FUS: variants seen among roughly 807,000 people sequenced by gnomAD.
The protein encoded by FUS is FUS RNA binding protein.
FUS carries 5 observed loss-of-function variants against 82.7 expected under a neutral mutation model. The ratio of observed to expected loss-of-function variants is 0.06; its 90% CI spans 0.03 to 0.13. The LOEUF (loss-of-function observed/expected upper bound fraction) is 0.13. FUS is among the 10% of genes least tolerant of loss of function. FUS has a pLI of 1.00. For missense variants in FUS, 512 were observed against 707.8 expected, an observed-to-expected ratio of 0.72 and a Z score of 3.14; for synonymous variants, 281 against 247.4, an observed-to-expected ratio of 1.14 and a Z score of -1.27.
In FUS at chr16:31,180,158, G is replaced by C. The variant is rs1175220148; in HGVS notation, c.-57G>C. ...GGGGCTGCTCAGTCCTCCAGGCGTC[G>C]GTACTCAGCGGTGTTGGAACTTCGT... On this transcript the variant is annotated 5_prime_UTR_variant, in exon 1 of 15. Transcript: ENST00000254108. The C allele has an allele frequency of 4.4e-6, 7 of 1,596,436 alleles. No homozygotes were observed. Among genetic ancestry groups the C allele is most frequent in the African/African-American group, 1.3e-5 (1 of 74,676 alleles).
At chr16:31,185,760 A>G (rs1349564338) in intron 6 of FUS, 16 of 327,500 alleles carry the variant, frequency 4.9e-5, no homozygotes, top group South Asian at 3.4e-4. Flanking sequence ...GGGCAAAAAT[A>G]TGCTTTGACA....
chr16:31,185,939 A>AC (rs2079262775), intron 6 of FUS: 1 of 242,602 alleles, frequency 4.1e-6, no homozygotes, highest in African/African-American at 2.2e-5. Flanking sequence ...GATTTGAAGG[A>AC]CCCTACTCTG....
rs766938057 is a variant in FUS, at chr16:31,180,234, A to G, written c.13+7A>G. On this transcript the variant is annotated splice_region_variant and intron_variant, in intron 1 of 14. Transcript: ENST00000254108. ...GCGGACATGGCCTCAAACGGTAGGT[A>G]AGGGCGCGAGGCGACGGCGGCGGCG... 2.5e-6 allele frequency: 4 copies of G among 1,610,262 alleles called. No individual in the cohort carries two copies. Among genetic ancestry groups the G allele is most frequent in the Admixed American group, 3.4e-5 (2 of 59,490 alleles).
chr16:31,184,152 A>C, intron 4 of FUS, 57 bp from the exon 5 acceptor site: 1 of 1,614,020 alleles, frequency 6.2e-7, no homozygotes, highest in Non-Finnish European at 8.5e-7. Flanking sequence ...CTAAAAGTGA[A>C]AGGAAATTGG....
At chr16:31,185,446 A>ATTT in intron 6 of FUS, 1 of 663,724 alleles carries the variant, frequency 1.5e-6, no homozygotes, top group Admixed American at 2.2e-5. Context: ...ATACATAGAT[A>ATTT]CGTATGGATT....
At chr16:31,190,718 C>G (rs760878723) in intron 12 of FUS, 24 bp from the exon 13 acceptor site, 2 of 1,602,368 alleles carry the variant, frequency 1.2e-6, no homozygotes, top group African/African-American at 1.3e-5. Context: ...TCGCTCCAGA[C>G]TGATTGTCTT....
intron 1 of FUS, among the ~76,000 whole-genome samples, chr16:31,181,924 G>T (rs1158817513): frequency 6.6e-6 from 1 of 152,096 alleles, no homozygotes; most frequent in East Asian, 1.9e-4. Flanking sequence ...AGAACACTTG[G>T]CTGATAACGC....
intron 8 of FUS, 101 bp downstream of exon 8, chr16:31,188,458 G>T: frequency 2.3e-6 from 3 of 1,293,186 alleles, no homozygotes; most frequent in Non-Finnish European, 3.4e-6. Flanking sequence ...GAAAAAAATG[G>T]GGATAGAGAA....
chr16:31,188,688 T>C, intron 8 of FUS: 1 of 495,880 alleles, frequency 2.0e-6, no homozygotes, highest in Admixed American at 3.8e-5. Context: ...CATGTCCAAG[T>C]TGGTGAACAA....
chr16:31,181,722 C>T (rs1351932211), intron 1 of FUS, among the ~76,000 whole-genome samples: 1 of 152,152 alleles, frequency 6.6e-6, no homozygotes. Context: ...GAGAGTTAGT[C>T]TCTTGACTCC....
Position 31,186,777 on chromosome 16 carries a change from C to T in FUS, c.765-25C>T, listed in dbSNP as rs200247599. Reference sequence around the variant, plus strand: ...TTGTAGCCGTTGGAAGCTTCATGTCCTTTCTTCTAACTTGTCTTCTCCAGC... The same window carrying T: ...TTGTAGCCGTTGGAAGCTTCATGTCTTTTCTTCTAACTTGTCTTCTCCAGC... On this transcript the variant is annotated intron_variant, in intron 6 of 14. Transcript: ENST00000254108. The T allele has an allele frequency of 1.1e-3, 1,742 of 1,612,824 alleles. 2 individuals carry two copies. The highest frequency in any genetic ancestry group is 1.4e-3 in the Non-Finnish European group (1,679 of 1,178,856).
chr16:31,186,238 A>G (rs2079267698), intron 6 of FUS: 1 of 252,842 alleles, frequency 4.0e-6, no homozygotes, highest in Non-Finnish European at 7.8e-6. Context: ...AGAAGGGGTG[A>G]CCCCGGGGGT....
At position 31,186,854 on chromosome 16, in the gene FUS, C is replaced by T; in HGVS notation, c.799+18C>T. ...ATTTGGTGGTAAGTGAACAGAGTTT[C>T]CAAAATTCCCAACTCCCAGCAATGC... On this transcript the variant is annotated intron_variant, in intron 7 of 14. Transcript: ENST00000254108. The T allele has an allele frequency of 6.2e-7, 1 of 1,608,692 alleles. No homozygotes were observed. The highest frequency in any genetic ancestry group is 8.5e-7 in the Non-Finnish European group (1 of 1,175,026).
chr16:31,185,365 C>G, intron 6 of FUS, 186 bp downstream of exon 6: 2 of 680,540 alleles, frequency 2.9e-6, no homozygotes, highest in Non-Finnish European at 4.9e-6. Flanking sequence ...AACTTGGGAG[C>G]CTGAACTCCC....
downstream of FUS, chr16:31,193,725 G>A (rs1407467797): frequency 9.4e-6 from 5 of 531,908 alleles, no homozygotes; most frequent in East Asian, 7.9e-5. Flanking sequence ...GAACATTGGT[G>A]CCTCTCAAGC....
intron 14 of FUS, 133 bp downstream of exon 14, chr16:31,191,243 G>A (rs906976236): frequency 2.2e-5 from 32 of 1,483,632 alleles, no homozygotes; most frequent in Admixed American, 1.1e-4. Context: ...GTAGTGGAGA[G>A]GGAAGGAAAA....
Position 31,191,605 on chromosome 16 carries a change from A to G in FUS, c.*167A>G. The stretch of plus-strand genomic sequence containing the variant: ...CATTAAAAGTGACCATTTTAGTTAA[A>G]TTTTGTTCCTCTTCCCCCTTTTCAC... On this transcript the variant is annotated 3_prime_UTR_variant, in exon 15 of 15. Transcript: ENST00000254108. 1 of 790,960 alleles carries G rather than the reference A, an allele frequency of 1.3e-6. No homozygotes were observed. Among genetic ancestry groups the G allele is most frequent in the Non-Finnish European group, 2.2e-6 (1 of 458,794 alleles). 49.0% of individuals were successfully genotyped at this position (790,960 alleles called of 1,614,324 possible). A position where few individuals can be genotyped will look rare whatever the true frequency, so the allele number is the denominator to read the frequency against.
At chr16:31,180,281 C>T (rs566417742) in intron 1 of FUS, 54 bp downstream of exon 1, 1 of 1,578,124 alleles carries the variant, frequency 6.3e-7, no homozygotes, top group Non-Finnish European at 8.6e-7. Context: ...GGCCTCCCAG[C>T]TGGGCTTTTC....
chr16:31,193,950 A>AC (rs1567482908), downstream of FUS: 3 of 531,390 alleles, frequency 5.6e-6, no homozygotes, highest in African/African-American at 1.9e-5. Context: ...TTTGGCCAGA[A>AC]TACTCTATTC....
Sources: allele counts gnomAD v4.1 joint callset (sites outside exome capture counted in the v4.1 genomes callset), GRCh38; gene constraint gnomAD v4.1.1; transcripts MANE v1.5; gene names NCBI Gene and HGNC (gene_info 2026-07-23, HGNC 2026-07-21).